SHANK2: variants seen among roughly 807,000 people sequenced by gnomAD.
The protein encoded by SHANK2 is SH3 and multiple ankyrin repeat domains 2.
SHANK2 carries 43 observed loss-of-function variants against 133.7 expected under a neutral mutation model. That is an observed-to-expected ratio of 0.32 (90% CI 0.25 to 0.41). The LOEUF is 0.41. Among genes scored for constraint, SHANK2 ranks in the 10% least tolerant of loss-of-function variants. The pLI is 1.00. For synonymous variants in SHANK2, 1,017 were observed against 952.8 expected (o/e 1.07, Z -1.24); for missense variants, 1,994 against 2,235.8 (o/e 0.89, Z 2.18).
chr11:70,586,606 C>T (rs1456669315), intron 17 of SHANK2, among the ~76,000 whole-genome samples: 1 of 152,242 alleles, frequency 6.6e-6, no homozygotes, highest in African/African-American at 2.4e-5. Flanking sequence ...CGCAGACTCT[C>T]AGTACAGATC....
At chr11:70,854,526 T>A (rs1376478525) in intron 11 of SHANK2, among the ~76,000 whole-genome samples, 1 of 152,246 alleles carries the variant, frequency 6.6e-6, no homozygotes, top group African/African-American at 2.4e-5. Context: ...ACTGAGCGCA[T>A]GCATGGCTGG....
At chr11:70,737,095 G>A (rs545709685) in intron 14 of SHANK2, among the ~76,000 whole-genome samples, 44 of 152,234 alleles carry the variant, frequency 2.9e-4, no homozygotes, top group South Asian at 1.0e-3. Flanking sequence ...GTCCCGAGCC[G>A]CGGGCTACAC....
At chr11:70,862,958 G>A (rs1438156586) in intron 11 of SHANK2, 6 of 287,310 alleles carry the variant, frequency 2.1e-5, no homozygotes, top group South Asian at 1.1e-4. Context: ...GAGACAAGCC[G>A]CCTTACCTCA....
chr11:70,930,668 TTC>T (rs199718810), intron 10 of SHANK2, among the ~76,000 whole-genome samples: 1,589 of 123,336 alleles, frequency 0.013, 119 homozygotes, highest in African/African-American at 0.049. Flanking sequence ...TCTTTTTTTT[TTC>T]TTTTTTTTTT....
At chr11:71,065,929 T>TG (rs1302764728) in intron 9 of SHANK2, among the ~76,000 whole-genome samples, 1 of 21,462 alleles carries the variant, frequency 4.7e-5, no homozygotes, top group African/African-American at 2.3e-4. Flanking sequence ...GTGGGGAAGT[T>TG]GGTGGGGGCG....
chr11:70,824,885 C>T (rs1948614608), intron 11 of SHANK2, among the ~76,000 whole-genome samples: 1 of 152,282 alleles, frequency 6.6e-6, no homozygotes, highest in African/African-American at 2.4e-5. Context: ...CTTTCATTTA[C>T]AGAGATTACG....
chr11:70,867,238 G>A (rs1949379194), intron 11 of SHANK2, among the ~76,000 whole-genome samples: 1 of 152,166 alleles, frequency 6.6e-6, no homozygotes, highest in Non-Finnish European at 1.5e-5. Flanking sequence ...TCCTATCCGG[G>A]TAGGGGTAGG....
chr11:70,785,284 G>A (rs1947624600), intron 14 of SHANK2, among the ~76,000 whole-genome samples: 1 of 152,184 alleles, frequency 6.6e-6, no homozygotes, highest in African/African-American at 2.4e-5. Context: ...GACTTGAGGA[G>A]GCATGAGGTT....
At chr11:70,764,316 CCCT>C (rs1198039340) in intron 14 of SHANK2, among the ~76,000 whole-genome samples, 1 of 148,352 alleles carries the variant, frequency 6.7e-6, no homozygotes, top group Non-Finnish European at 1.5e-5. Context: ...CTTTATCCCT[CCCT>C]CCTCCTTCTA....
intron 17 of SHANK2, among the ~76,000 whole-genome samples, chr11:70,505,524 G>T (rs980099612): frequency 6.6e-6 from 1 of 152,030 alleles, no homozygotes; most frequent in Non-Finnish European, 1.5e-5. Context: ...GCTGTGGGGA[G>T]CGAGGGGAGG....
intron 1 of SHANK2, among the ~76,000 whole-genome samples, chr11:71,250,722 C>CACTA (rs1229937229): frequency 6.6e-6 from 1 of 152,188 alleles, no homozygotes; most frequent in Non-Finnish European, 1.5e-5. Context: ...AGAAGGGCGT[C>CACTA]ACTAACTATG....
At chr11:70,653,289 T>C (rs2061360353) in intron 17 of SHANK2, among the ~76,000 whole-genome samples, 1 of 152,070 alleles carries the variant, frequency 6.6e-6, no homozygotes, top group South Asian at 2.1e-4. Flanking sequence ...TCATTTTCTT[T>C]CCTCCAAGTA....
intron 2 of SHANK2, among the ~76,000 whole-genome samples, chr11:71,170,182 G>GT (rs1295974039): frequency 3.0e-4 from 46 of 151,714 alleles, no homozygotes; most frequent in Middle Eastern, 6.8e-3. Flanking sequence ...TTTTTTTTCT[G>GT]TATTAGTCCA....
At chr11:70,667,945 G>A (rs1555015181) in intron 15 of SHANK2, 2 of 152,252 alleles carry the variant, frequency 1.3e-5, no homozygotes, top group Non-Finnish European at 2.9e-5. Context: ...AGCTGGGACT[G>A]GGTTTCAAAG....
intron 3 of SHANK2, among the ~76,000 whole-genome samples, chr11:71,145,750 G>A (rs1388494284): frequency 4.6e-5 from 7 of 152,294 alleles, no homozygotes; most frequent in Admixed American, 2.0e-4. Flanking sequence ...ATGCTTCCCC[G>A]ATCTCCAGCA....
chr11:70,797,968 T>G (rs1947954316), intron 14 of SHANK2, among the ~76,000 whole-genome samples: 1 of 152,136 alleles, frequency 6.6e-6, no homozygotes, highest in Non-Finnish European at 1.5e-5. Flanking sequence ...GTGCTATATC[T>G]GGAGGTTCTA....
chr11:71,180,948 C>T lies in SHANK2; in HGVS notation c.-12-33610G>A, dbSNP rs114728376. Among the ~76,000 whole-genome samples the T allele has an allele frequency of 3.7e-3, 568 of 152,094 alleles. 8 individuals are homozygous for T. The highest frequency in any genetic ancestry group is 0.012 in the African/African-American group (507 of 41,496). Reference sequence around the variant, plus strand: ...TATTTCTGGCCATAAAGCAACCTTCCACTTCCATGTGGCAAATCAGCCTTA... The same window carrying T: ...TATTTCTGGCCATAAAGCAACCTTCTACTTCCATGTGGCAAATCAGCCTTA... On this transcript the variant is annotated intron_variant, in intron 2 of 25. Coordinates refer to ENST00000601538, the MANE Select transcript of SHANK2 (RefSeq NM_012309.5).
intron 11 of SHANK2, among the ~76,000 whole-genome samples, chr11:70,842,531 G>A (rs1948922890): frequency 6.6e-6 from 1 of 152,214 alleles, no homozygotes; most frequent in Non-Finnish European, 1.5e-5. Flanking sequence ...CCTTTCAGGA[G>A]CTCCTTTAGC....
chr11:71,093,249 A>G (rs1555094564), intron 7 of SHANK2, among the ~76,000 whole-genome samples: 1 of 152,172 alleles, frequency 6.6e-6, no homozygotes, highest in African/African-American at 2.4e-5. Context: ...CATTTGCGGA[A>G]GAGAGAAAAG....
Sources: allele counts gnomAD v4.1 joint callset (sites outside exome capture counted in the v4.1 genomes callset), GRCh38; gene constraint gnomAD v4.1.1; transcripts MANE v1.5; gene names NCBI Gene and HGNC (gene_info 2026-07-23, HGNC 2026-07-21).